HDAC9: variants seen among roughly 807,000 people sequenced by gnomAD.
HDAC9 encodes histone deacetylase 9, also known as MEF-2 interacting transcription repressor (MITR) protein.
Under a neutral mutation model 139.4 loss-of-function variants are expected in HDAC9, and 41 were observed. The observed-to-expected ratio is 0.29, with a 90% CI of 0.23 to 0.38. The LOEUF (loss-of-function observed/expected upper bound fraction) is 0.38, where lower values mean the gene tolerates loss of function less well. Among genes scored for constraint, HDAC9 ranks in the 10% least tolerant of loss-of-function variants. The pLI is 1.00. For missense variants in HDAC9, 1,147 were observed against 1,297.0 expected (o/e 0.88, Z 1.78); for synonymous variants, 517 against 476.2 (o/e 1.09, Z -1.12).
intron 24 of HDAC9, among the ~76,000 whole-genome samples, chr7:18,967,009 A>AT (rs1783901683): frequency 6.6e-6 from 1 of 152,362 alleles, no homozygotes; most frequent in South Asian, 2.1e-4. Context: ...TCCCAAGCGA[A>AT]TTGATAATGA....
chr7:18,856,163 GAT>G (rs1241338007), intron 21 of HDAC9, among the ~76,000 whole-genome samples: 1 of 152,102 alleles, frequency 6.6e-6, no homozygotes, highest in Non-Finnish European at 1.5e-5. Flanking sequence ...GGTCCTGAGA[GAT>G]ACGGCATCAT....
At chr7:18,202,929 T>C (rs1791244767) in intron 2 of HDAC9, among the ~76,000 whole-genome samples, 1 of 152,198 alleles carries the variant, frequency 6.6e-6, no homozygotes, top group Non-Finnish European at 1.5e-5. Flanking sequence ...ACAATGGGCA[T>C]ACTAATTAAG....
chr7:18,139,385 C>T (rs771181758), intron 1 of HDAC9, among the ~76,000 whole-genome samples: 8 of 152,154 alleles, frequency 5.3e-5, no homozygotes, highest in Admixed American at 1.3e-4. Context: ...TCTTGGCCTC[C>T]CAAAGTGTTG....
intron 2 of HDAC9, among the ~76,000 whole-genome samples, chr7:18,249,395 C>T (rs1183146686): frequency 1.4e-5 from 2 of 146,854 alleles, no homozygotes; most frequent in South Asian, 2.2e-4. Flanking sequence ...CCCAGCTAGT[C>T]GGGAGGCTGA....
chr7:18,829,332 G>C, intron 18 of HDAC9, 116 bp downstream of exon 18: 1 of 1,122,968 alleles, frequency 8.9e-7, no homozygotes, highest in Non-Finnish European at 1.4e-6. Context: ...AATCTTGCGA[G>C]GTACTCCCAG....
chr7:18,391,835 T>A (rs932159327), intron 1 of HDAC9, among the ~76,000 whole-genome samples: 49 of 152,220 alleles, frequency 3.2e-4, no homozygotes, highest in African/African-American at 1.2e-3. Flanking sequence ...TAGAAGTTTT[T>A]ACCATGGGGT....
At chr7:18,588,369 A>T (rs1487040985) in intron 3 of HDAC9, among the ~76,000 whole-genome samples, 4 of 151,532 alleles carry the variant, frequency 2.6e-5, no homozygotes, top group Non-Finnish European at 5.9e-5. Flanking sequence ...CAGATTTTGG[A>T]TTTTTTTTTC....
chr7:18,213,171 T>C (rs895430967), intron 2 of HDAC9, among the ~76,000 whole-genome samples: 1 of 152,186 alleles, frequency 6.6e-6, no homozygotes, highest in Admixed American at 6.6e-5. Flanking sequence ...AAGAATACTT[T>C]TGACAGGTTA....
At chr7:18,093,160 A>T (rs1372176512) in intron 1 of HDAC9, among the ~76,000 whole-genome samples, 3 of 152,142 alleles carry the variant, frequency 2.0e-5, no homozygotes, top group Admixed American at 6.5e-5. Flanking sequence ...TTGTATCTCA[A>T]ACTCTGGCAG....
chr7:18,740,507 G>T (rs1013485959), intron 13 of HDAC9, among the ~76,000 whole-genome samples: 1 of 152,186 alleles, frequency 6.6e-6, no homozygotes, highest in Non-Finnish European at 1.5e-5. Flanking sequence ...TATTGTGTGT[G>T]TTCTGACTGC....
intron 1 of HDAC9, among the ~76,000 whole-genome samples, chr7:18,320,491 C>T (rs1423714804): frequency 6.6e-6 from 1 of 151,988 alleles, no homozygotes. Context: ...TCAGAGTATC[C>T]CTTATTGTCA....
chr7:18,090,068 A>G (rs1011943175), intron 1 of HDAC9, among the ~76,000 whole-genome samples: 1 of 152,114 alleles, frequency 6.6e-6, no homozygotes, highest in Admixed American at 6.5e-5. Context: ...CCAGTTTGTT[A>G]TTATAATTCT....
At chr7:18,129,341 A>G (rs1784864321) in intron 1 of HDAC9, among the ~76,000 whole-genome samples, 1 of 152,060 alleles carries the variant, frequency 6.6e-6, no homozygotes, top group East Asian at 1.9e-4. Context: ...AGTTGTTATA[A>G]TGTGTCTTTC....
At chr7:18,159,649 T>C (rs548167465) in intron 1 of HDAC9, among the ~76,000 whole-genome samples, 2 of 152,284 alleles carry the variant, frequency 1.3e-5, no homozygotes, top group South Asian at 2.1e-4. Context: ...CTGAAACATT[T>C]TAGGAGAACT....
At chr7:18,968,296 TG>T (rs1784015123) in intron 24 of HDAC9, among the ~76,000 whole-genome samples, 2 of 152,240 alleles carry the variant, frequency 1.3e-5, no homozygotes, top group Admixed American at 1.3e-4. Context: ...ATTAGCTTTC[TG>T]AATTTTTATA....
In HDAC9 at chr7:18,997,873, A is replaced by G. The variant is rs1786554286; in HGVS notation, c.*1811A>G. On this transcript the variant is annotated 3_prime_UTR_variant, in exon 26 of 26. Coordinates refer to ENST00000686413, the MANE Select transcript of HDAC9 (RefSeq NM_178425.4). ...TCAATACTTGGTTTAACTTCTTAGA[A>G]ATTTGAGACACCCTTTGAAATAGGA... 6.6e-6 allele frequency: 1 copy of G among 152,178 alleles called. No homozygotes were observed. Among genetic ancestry groups the G allele is most frequent in the African/African-American group, 2.4e-5 (1 of 41,472 alleles). 9.4% of individuals were successfully genotyped at this position (152,178 alleles called of 1,614,324 possible). A position where few individuals can be genotyped will look rare whatever the true frequency, so the allele number is the denominator to read the frequency against.
chr7:18,217,849 C>T (rs1792424537), intron 2 of HDAC9, among the ~76,000 whole-genome samples: 1 of 152,176 alleles, frequency 6.6e-6, no homozygotes, highest in Non-Finnish European at 1.5e-5. Flanking sequence ...TTTTCTCACA[C>T]AGTTTCTGAG....
At chr7:18,172,589 G>A (rs1406770118) in intron 2 of HDAC9, among the ~76,000 whole-genome samples, 3 of 152,164 alleles carry the variant, frequency 2.0e-5, no homozygotes, top group Non-Finnish European at 4.4e-5. Context: ...TGGGCATTTA[G>A]TGTTATAAAT....
At chr7:18,705,842 G>A (rs1178056444) in intron 12 of HDAC9, among the ~76,000 whole-genome samples, 1 of 124,770 alleles carries the variant, frequency 8.0e-6, no homozygotes, top group Admixed American at 9.7e-5. Flanking sequence ...GACAGAGAGA[G>A]ACTCTGTCTC....
Sources: gnomAD v4.1 joint callset for allele counts (sites outside exome capture counted in the v4.1 genomes callset) on GRCh38, gnomAD v4.1.1 for gene constraint, MANE v1.5 for transcripts, NCBI Gene and HGNC (gene_info 2026-07-23, HGNC 2026-07-21) for gene names.